SEC24B: variants seen among roughly 807,000 people sequenced by gnomAD.
The protein encoded by SEC24B is protein transport protein Sec24B.
SEC24B carries 45 observed loss-of-function variants against 142.8 expected under a neutral mutation model. That is an observed-to-expected ratio of 0.32 (90% confidence interval 0.25 to 0.40). SEC24B has a LOEUF of 0.40. Among genes scored for constraint, SEC24B ranks in the 10% least tolerant of loss-of-function variants. SEC24B has a pLI of 1.00. For synonymous variants in SEC24B, 574 were observed against 568.2 expected, an observed-to-expected ratio of 1.01 and a Z score of -0.15; for missense variants, 1,409 against 1,526.8, an observed-to-expected ratio of 0.92 and a Z score of 1.29.
At chr4:109,534,173 G>A (rs1725237149) in intron 22 of SEC24B, among the ~76,000 whole-genome samples, 1 of 151,634 alleles carries the variant, frequency 6.6e-6, no homozygotes, top group African/African-American at 2.4e-5. Context: ...CTCCTGAGTA[G>A]GAATCAGTAG....
chr4:109,441,318 G>GTATA (rs747314023), intron 1 of SEC24B, among the ~76,000 whole-genome samples: 148 of 152,232 alleles, frequency 9.7e-4, no homozygotes, highest in Non-Finnish European at 1.9e-3. Context: ...CTGTTTATTT[G>GTATA]TATATAAAAG....
intron 2 of SEC24B, among the ~76,000 whole-genome samples, chr4:109,464,252 A>AT (rs1462980429): frequency 6.6e-6 from 1 of 151,164 alleles, no homozygotes; most frequent in Non-Finnish European, 1.5e-5. Context: ...GTGTTGTTAA[A>AT]TTTTTTCATT....
rs757211532 is a variant in SEC24B, at chr4:109,511,966, G to A, written c.1786G>A (p.Val596Met). The A allele has an allele frequency of 1.2e-6, 2 of 1,611,738 alleles. No homozygotes were observed. Among genetic ancestry groups the A allele is most frequent in the South Asian group, 2.2e-5 (2 of 90,138 alleles). Reference protein sequence around the residue: ...HPFRDLTQLPVITSNTIVRCR... With the variant: ...HPFRDLTQLPMITSNTIVRCR... ...TTATTTTATTTCCTAGCAATTACCA[G>A]TGATAACATCAAATACCATTGTGAG... Residue 596 changes from valine to methionine, a missense_variant, in exon 9 of 24, where the codon GTG (valine) becomes ATG (methionine). This residue lies in a region of SEC24B where 700 missense variants were observed against 853.3 expected (regional missense o/e 0.82). Coordinates refer to ENST00000265175, the MANE Select transcript of SEC24B (RefSeq NM_006323.5).
chr4:109,455,447 G>T (rs1303049193), intron 1 of SEC24B, among the ~76,000 whole-genome samples: 1 of 152,024 alleles, frequency 6.6e-6, no homozygotes, highest in Non-Finnish European at 1.5e-5. Flanking sequence ...CACCATGTTG[G>T]CTAGGCTGGT....
At chr4:109,525,219 T>C in intron 15 of SEC24B, 127 bp from the exon 16 acceptor site, 1 of 799,314 alleles carries the variant, frequency 1.3e-6, no homozygotes. Context: ...GATTTGTATG[T>C]TCTTATTTTG....
At chr4:109,527,775 T>A (rs1724415615) in intron 18 of SEC24B, among the ~76,000 whole-genome samples, 1 of 150,118 alleles carries the variant, frequency 6.7e-6, no homozygotes, top group Non-Finnish European at 1.5e-5. Context: ...AGTGAGACTC[T>A]GTCTCAAAAA....
intron 6 of SEC24B, among the ~76,000 whole-genome samples, chr4:109,499,498 G>A (rs1735885797): frequency 6.6e-6 from 1 of 152,090 alleles, no homozygotes; most frequent in Admixed American, 6.6e-5. Context: ...CCTTGTGTGT[G>A]TATATACACA....
chr4:109,444,208 C>G (rs983092182), intron 1 of SEC24B, among the ~76,000 whole-genome samples: 116 of 138,894 alleles, frequency 8.4e-4, no homozygotes, highest in Non-Finnish European at 1.5e-3. Context: ...GAGCTAAACT[C>G]CATCTCAAAA....
intron 22 of SEC24B, among the ~76,000 whole-genome samples, chr4:109,537,115 T>C (rs147474034): frequency 1.1e-4 from 17 of 152,256 alleles, no homozygotes; most frequent in African/African-American, 4.1e-4. Flanking sequence ...TAATAGGCAA[T>C]TCATAAAAGA....
intron 1 of SEC24B, among the ~76,000 whole-genome samples, chr4:109,462,682 A>G (rs1281457527): frequency 6.6e-6 from 1 of 152,180 alleles, no homozygotes; most frequent in Non-Finnish European, 1.5e-5. Context: ...GTCCTGGTAC[A>G]TTGTGAGGGA....
chr4:109,506,229 A>C (rs961537934), intron 6 of SEC24B, 99 bp from the exon 7 acceptor site: 26 of 832,300 alleles, frequency 3.1e-5, no homozygotes, highest in Non-Finnish European at 3.3e-5. Context: ...AAATTTTCTT[A>C]CCTTTTTGCT....
chr4:109,443,794 G>A (rs1191361989), intron 1 of SEC24B, among the ~76,000 whole-genome samples: 1 of 152,186 alleles, frequency 6.6e-6, no homozygotes, highest in Non-Finnish European at 1.5e-5. Flanking sequence ...CTTAAGGGAG[G>A]AAGTTAGAAC....
chr4:109,450,444 G>T (rs894809146), intron 1 of SEC24B, among the ~76,000 whole-genome samples: 3 of 151,946 alleles, frequency 2.0e-5, no homozygotes, highest in African/African-American at 7.3e-5. Context: ...TGGATGATGA[G>T]TTCAGGAGTT....
chr4:109,437,297 G>A (rs1375860516), intron 1 of SEC24B, among the ~76,000 whole-genome samples: 2 of 152,042 alleles, frequency 1.3e-5, no homozygotes, highest in Non-Finnish European at 2.9e-5. Flanking sequence ...TTTATTGTTT[G>A]TTTTAGAGAC....
chr4:109,433,910 C>T lies in SEC24B; in HGVS notation c.41C>T (p.Ala14Val), dbSNP rs1561047140. 5.2e-6 allele frequency: 7 copies of T among 1,335,300 alleles called. No individual in the cohort carries two copies. The highest frequency in any genetic ancestry group is 3.2e-5 in the Admixed American group (1 of 31,742). 82.7% of individuals were successfully genotyped at this position (1,335,300 alleles called of 1,614,324 possible). Residue 14 changes from alanine to valine, a missense_variant, in exon 1 of 24, where the codon GCC (alanine) becomes GTC (valine). Ala to Val is a moderately conservative substitution (Grantham distance 64). Transcript: ENST00000265175. ...PAGSSHPAAS[A>V]RIPPKFGGAA... ...GGGTCCTCTCACCCGGCCGCCAGCGCCCGGATCCCGCCCAAGTTCGGCGGA... is the reference window on the plus strand; with the variant it reads ...GGGTCCTCTCACCCGGCCGCCAGCGTCCGGATCCCGCCCAAGTTCGGCGGA...
At chr4:109,488,897 ATCT>A (rs1362817043) in intron 4 of SEC24B, 1 of 156,386 alleles carries the variant, frequency 6.4e-6, no homozygotes, top group Non-Finnish European at 1.5e-5. Flanking sequence ...TCATTTGTTT[ATCT>A]TCTTTGGATA....
At chr4:109,532,535 C>G in intron 20 of SEC24B, 104 bp from the exon 21 acceptor site, 2 of 794,326 alleles carry the variant, frequency 2.5e-6, no homozygotes, top group Admixed American at 4.0e-5. Context: ...GCAAAACTCC[C>G]AAGTGTTATT....
chr4:109,529,119 C>T (rs916530216), intron 18 of SEC24B, among the ~76,000 whole-genome samples: 3 of 149,392 alleles, frequency 2.0e-5, no homozygotes, highest in East Asian at 2.0e-4. Flanking sequence ...GCCAAGATCG[C>T]ACCACTGCAC....
At chr4:109,531,136 A>G (rs1464300499) in intron 19 of SEC24B, among the ~76,000 whole-genome samples, 1 of 152,176 alleles carries the variant, frequency 6.6e-6, no homozygotes, top group Non-Finnish European at 1.5e-5. Context: ...GCATCATTTT[A>G]TTTAATCCTT....
Sources: gnomAD v4.1 joint callset for allele counts (sites outside exome capture counted in the v4.1 genomes callset) on GRCh38, gnomAD v4.1.1 for gene constraint, gnomAD v4.1.1 regional missense constraint, MANE v1.5 for transcripts, NCBI Gene and HGNC (gene_info 2026-07-23, HGNC 2026-07-21) for gene names.